DPPA4: variants seen among roughly 807,000 people sequenced by gnomAD.
DPPA4 encodes the protein developmental pluripotency-associated protein 4.
Under a neutral mutation model 33.7 loss-of-function variants are expected in DPPA4, and 22 were observed. The observed-to-expected ratio is 0.65, with a 90% CI of 0.47 to 0.93. The LOEUF (loss-of-function observed/expected upper bound fraction) is 0.93. DPPA4 is among the 40% of genes least tolerant of loss of function. The pLI is 0.00. For missense variants in DPPA4, 340 were observed against 358.6 expected (o/e 0.95, Z 0.42); for synonymous variants, 156 against 132.3 (o/e 1.18, Z -1.23).
In DPPA4 at chr3:109,327,609, G is replaced by T. The variant is rs1027123076; in HGVS notation, c.*379C>A. 6.0e-6 allele frequency: 1 copy of T among 166,612 alleles called. No homozygotes were observed. The highest frequency in any genetic ancestry group is 2.4e-5 in the African/African-American group (1 of 41,698). 10.3% of individuals were successfully genotyped at this position (166,612 alleles called of 1,614,324 possible). On this transcript the variant is annotated 3_prime_UTR_variant, in exon 7 of 7. Transcript: ENST00000335658. ...CATTTGAACCCAGGAGGCGGAGATTGCACTGAACTGAGATTGCACCACTGC... is the reference window on the plus strand; with the variant it reads ...CATTTGAACCCAGGAGGCGGAGATTTCACTGAACTGAGATTGCACCACTGC...
In DPPA4 at chr3:109,330,739, T is replaced by G. The variant is rs1006358421; in HGVS notation, c.464A>C (p.Glu155Ala). The G allele has an allele frequency of 1.9e-6, 3 of 1,613,966 alleles. No homozygotes were observed. The highest frequency in any genetic ancestry group is 2.5e-6 in the Non-Finnish European group (3 of 1,180,034). ...TGTCTCAGAACTTTGCAGGGACGTTTCCCCCTTTTCCACCTTTAATTTTTT... is the reference window on the plus strand; with the variant it reads ...TGTCTCAGAACTTTGCAGGGACGTTGCCCCCTTTTCCACCTTTAATTTTTT... ...LQKKLKVEKG[E>A]TSLQSSETHP... Residue 155 changes from glutamate to alanine, a missense_variant, in exon 5 of 7, where the codon GAA (glutamate) becomes GCA (alanine). Transcript: ENST00000335658.
At chr3:109,330,442 T>A (rs1169422423) in intron 5 of DPPA4, 82 bp downstream of exon 5, 3 of 1,526,952 alleles carry the variant, frequency 2.0e-6, no homozygotes, top group Non-Finnish European at 2.7e-6. Context: ...GATTTTGATA[T>A]ACCCTAAAAT....
rs1489085526 is a variant in DPPA4, at chr3:109,327,120, G to A, written c.*868C>T. On this transcript the variant is annotated 3_prime_UTR_variant, in exon 7 of 7. Transcript: ENST00000335658. ...AAGTCCCTTGTGTTTTGATCCTGGA[G>A]TCAAACCATAGAAATCTCAGGTTAT... is the stretch of plus-strand genomic sequence containing the variant. 1.3e-5 allele frequency: 2 copies of A among 151,730 alleles called. 1 individual carries two copies. Among genetic ancestry groups the A allele is most frequent in the African/African-American group, 4.9e-5 (2 of 41,040 alleles). The allele number at this position is 151,730 out of a possible 1,614,324, so 9.4% of individuals were successfully genotyped here. A position where few individuals can be genotyped will look rare whatever the true frequency, so the allele number is the denominator to read the frequency against.
At chr3:109,335,317 GT>G (rs1257885111) in intron 1 of DPPA4, among the ~76,000 whole-genome samples, 2 of 151,980 alleles carry the variant, frequency 1.3e-5, no homozygotes, top group Non-Finnish European at 2.9e-5. Flanking sequence ...TAGAGGTGAG[GT>G]CTCCCTATGT....
chr3:109,329,114 G>A (rs1319151035), intron 5 of DPPA4, 26 bp from the exon 6 acceptor site: 2 of 1,606,546 alleles, frequency 1.2e-6, no homozygotes, highest in African/African-American at 1.3e-5. Context: ...GAAAGAGACA[G>A]GTACCCGCAC....
chr3:109,335,432 T>C (rs1178393771), intron 1 of DPPA4, among the ~76,000 whole-genome samples: 1 of 152,158 alleles, frequency 6.6e-6, no homozygotes, highest in Non-Finnish European at 1.5e-5. Flanking sequence ...AAGGGTTCCC[T>C]ATTTTCTTTT....
At chr3:109,328,211 C>T (rs114426342) in intron 6 of DPPA4, among the ~76,000 whole-genome samples, 187 bp from the exon 7 acceptor site, 1,633 of 152,236 alleles carry the variant, frequency 0.011, 20 homozygotes, top group Middle Eastern at 0.034. Flanking sequence ...GTAATATATT[C>T]CCTGACTTGT....
chr3:109,333,918 T>A lies in DPPA4; in HGVS notation c.130A>T (p.Thr44Ser). 1 of 1,614,156 alleles carries A rather than the reference T, an allele frequency of 6.2e-7. No homozygotes were observed. Among genetic ancestry groups the A allele is most frequent in the Non-Finnish European group, 8.5e-7 (1 of 1,179,982 alleles). The stretch of plus-strand genomic sequence containing the variant: ...TTTTCTTTGGTTCTCTTTGCTGATG[T>A]TCCTGGCAAAGCAATTGAATTTGGT... ...NQPNSIALPG[T>S]SAKRTKEKMS... is the part of the protein sequence containing the mutation. Residue 44 changes from threonine to serine, a missense_variant, in exon 2 of 7, where the codon ACA (threonine) becomes TCA (serine). Coordinates refer to ENST00000335658, the MANE Select transcript of DPPA4 (RefSeq NM_018189.4).
intron 1 of DPPA4, among the ~76,000 whole-genome samples, chr3:109,334,784 C>T (rs1708157341): frequency 6.6e-6 from 1 of 152,122 alleles, no homozygotes; most frequent in African/African-American, 2.4e-5. Flanking sequence ...CCACATAATT[C>T]CTTTCCTTTC....
At position 109,327,859 on chromosome 3, in the gene DPPA4, C is replaced by T; in HGVS notation, c.*129G>A. The T allele has an allele frequency of 1.0e-5, 7 of 681,516 alleles. No individual in the cohort carries two copies. The highest frequency in any genetic ancestry group is 1.8e-5 in the Non-Finnish European group (7 of 386,158). 42.2% of individuals were successfully genotyped at this position (681,516 alleles called of 1,614,324 possible). A position where few individuals can be genotyped will look rare whatever the true frequency, so the allele number is the denominator to read the frequency against. ...AGGGGTCTTAGGCTAACATCTGCCA[C>T]CCCACCAGTCTGCATGGCCCATAAA... On this transcript the variant is annotated 3_prime_UTR_variant, in exon 7 of 7. Transcript: ENST00000335658.
At chr3:109,337,672 T>G (rs1708242689), upstream of DPPA4, 1 of 667,570 alleles carries the variant, frequency 1.5e-6, no homozygotes, top group African/African-American at 1.8e-5. Context: ...AATTGCATTC[T>G]TTCTTATTCA....
intron 5 of DPPA4, 132 bp from the exon 6 acceptor site, chr3:109,329,220 T>G: frequency 2.6e-6 from 2 of 758,324 alleles, no homozygotes; most frequent in Non-Finnish European, 4.4e-6. Context: ...ACTTAACCTC[T>G]TCTCTATTCT....
chr3:109,336,245 A>AT (rs1016391039), intron 1 of DPPA4: 1 of 152,062 alleles, frequency 6.6e-6, no homozygotes, highest in African/African-American at 2.4e-5. Context: ...TTTGTATGGC[A>AT]TTTTTACATC....
intron 5 of DPPA4, 71 bp from the exon 6 acceptor site, chr3:109,329,159 G>A: frequency 7.3e-7 from 1 of 1,368,714 alleles, no homozygotes; most frequent in South Asian, 1.3e-5. Context: ...ACTGCATTAT[G>A]GCCCATCACC....
At chr3:109,334,270 C>A (rs1277514794) in intron 1 of DPPA4, among the ~76,000 whole-genome samples, 2 of 152,194 alleles carry the variant, frequency 1.3e-5, no homozygotes, top group African/African-American at 4.8e-5. Flanking sequence ...GGAAAAAGCG[C>A]TTAGGTAGGC....
rs545117884 is a variant in DPPA4 at position 109,333,712 on chromosome 3, T to C, written c.178+158A>G. The C allele has an allele frequency of 3.9e-6, 3 of 772,512 alleles. No homozygotes were observed. The African/African-American group carries it at 5.2e-5, about 13-fold the overall frequency. The allele number at this position is 772,512 out of a possible 1,614,324, so 47.9% of individuals were successfully genotyped here. A position where few individuals can be genotyped will look rare whatever the true frequency, so the allele number is the denominator to read the frequency against. On this transcript the variant is annotated intron_variant, in intron 2 of 6. Transcript: ENST00000335658. The stretch of plus-strand genomic sequence containing the variant: ...AGTTAGAGCAGTGGTGACCAAAAGA[T>C]GCTTCAGGAAGGTAACAGTTTAAGC...
intron 2 of DPPA4, among the ~76,000 whole-genome samples, chr3:109,332,952 G>A (rs1708113643): frequency 6.6e-6 from 1 of 152,156 alleles, no homozygotes; most frequent in Admixed American, 6.5e-5. Flanking sequence ...TGGGCGTGGT[G>A]GCACATGCCT....
chr3:109,334,285 G>A (rs188525550), intron 1 of DPPA4, among the ~76,000 whole-genome samples: 8 of 152,310 alleles, frequency 5.3e-5, no homozygotes, highest in Admixed American at 4.6e-4. Flanking sequence ...GTAGGCTCAC[G>A]CCTGTAGTCT....
upstream of DPPA4, among the ~76,000 whole-genome samples, chr3:109,338,050 C>G (rs1181683920): frequency 6.6e-6 from 1 of 152,142 alleles, no homozygotes. Context: ...CATCTGCCAA[C>G]GAACTAATAA....
Sources: allele counts gnomAD v4.1 joint callset (sites outside exome capture counted in the v4.1 genomes callset), GRCh38; gene constraint gnomAD v4.1.1; transcripts MANE v1.5; gene names NCBI Gene and HGNC (gene_info 2026-07-23, HGNC 2026-07-21).